The following ATG4B variants were observed in gnomAD, a reference collection of about 807,000 sequenced individuals.
The protein encoded by ATG4B is autophagy related 4B cysteine peptidase.
In ATG4B, 29 loss-of-function variants were observed where a neutral mutation model predicts 56.6. The ratio of observed to expected loss-of-function variants is 0.51; its 90% CI spans 0.38 to 0.70. ATG4B has a LOEUF of 0.70. ATG4B is among the 30% of genes least tolerant of loss of function. The pLI is 0.00. For synonymous variants in ATG4B, 224 were observed against 206.1 expected, an observed-to-expected ratio of 1.09 and a Z score of -0.74; for missense variants, 461 against 515.5, an observed-to-expected ratio of 0.89 and a Z score of 1.02.
At chr2:241,638,422 C>G (rs1012860009) in intron 1 of ATG4B, 1 of 152,192 alleles carries the variant, frequency 6.6e-6, no homozygotes, top group African/African-American at 2.4e-5. Flanking sequence ...TCCTTTCATG[C>G]TTCCGCTCCA....
rs369680448 is a variant in ATG4B, at chr2:241,668,658, C to T, written c.930C>T (p.Ile310=). 20 of 1,578,402 alleles carry T rather than the reference C, an allele frequency of 1.3e-5. No homozygotes were observed. The East Asian group carries it at 1.9e-4, about 15-fold the overall frequency. ...AGCACCCGCCGTGCCGCATGAGCAT[C>T]GCGGAGCTTGACCCGTCCATCGCTG... ...HCQHPPCRMS[I]AELDPSIAVG... is the part of the protein sequence containing the mutation. The change falls in exon 10 of 13, where the codon ATC becomes ATT. Residue 310 remains isoleucine, a synonymous_variant. Transcript: ENST00000404914. This position sits in a 1 kb window ranked among gnomAD's most constrained non-coding sequence, Gnocchi z 4.2.
At chr2:241,671,167 C>A (rs139664131) in intron 11 of ATG4B, 145 bp from the exon 12 acceptor site, 24 of 733,180 alleles carry the variant, frequency 3.3e-5, no homozygotes, top group Middle Eastern at 7.6e-4. Context: ...TCTCGTGTAG[C>A]CTTTAGTGTG....
At chr2:241,642,522 G>A (rs760984597) in intron 1 of ATG4B, among the ~76,000 whole-genome samples, 1 of 151,736 alleles carries the variant, frequency 6.6e-6, no homozygotes, top group African/African-American at 2.4e-5. Flanking sequence ...GTTTTAGGAA[G>A]GTTTCTTCGA....
chr2:241,653,735 G>C (rs963055196), intron 4 of ATG4B, 125 bp downstream of exon 4: 1 of 774,354 alleles, frequency 1.3e-6, no homozygotes, highest in Admixed American at 3.1e-5. Context: ...GGGGTTTCTT[G>C]AGTAATGAGC....
At chr2:241,666,597 C>G (rs1213923022) in intron 7 of ATG4B, 48 bp from the exon 8 acceptor site, 2 of 1,595,670 alleles carry the variant, frequency 1.3e-6, no homozygotes, top group South Asian at 1.1e-5. Context: ...TGTGGGAGCA[C>G]TTTTGCACAG....
chr2:241,665,213 T>C (rs947269086), intron 7 of ATG4B, among the ~76,000 whole-genome samples: 2 of 152,230 alleles, frequency 1.3e-5, no homozygotes, highest in African/African-American at 4.8e-5. Flanking sequence ...CAGTGAGTCA[T>C]GGCCACAAAC....
At chr2:241,655,447 A>G in intron 6 of ATG4B, 104 bp downstream of exon 6, 1 of 1,151,182 alleles carries the variant, frequency 8.7e-7, no homozygotes, top group Non-Finnish European at 1.3e-6. Context: ...GGGGTCTCTA[A>G]TTATTTACTT....
At chr2:241,670,047 C>G (rs564780983) in intron 10 of ATG4B, among the ~76,000 whole-genome samples, 96 of 152,254 alleles carry the variant, frequency 6.3e-4, no homozygotes, top group Non-Finnish European at 1.0e-3. Context: ...GTCCCCTGTC[C>G]CCGGGGGAGA....
intron 6 of ATG4B, among the ~76,000 whole-genome samples, chr2:241,656,031 C>A (rs1042459749): frequency 6.6e-6 from 1 of 152,170 alleles, no homozygotes; most frequent in Non-Finnish European, 1.5e-5. Context: ...GACTTGTCCC[C>A]TCAGGGTCTC....
rs1428910692 is a variant in ATG4B at position 241,651,245 on chromosome 2, T to G, written c.113-19T>G. The G allele has an allele frequency of 2.3e-5, 36 of 1,586,966 alleles. No individual in the cohort carries two copies. Among genetic ancestry groups the G allele is most frequent in the Non-Finnish European group, 3.1e-5 (36 of 1,166,106 alleles). On this transcript the variant is annotated intron_variant, in intron 2 of 12. Coordinates refer to ENST00000404914, the MANE Select transcript of ATG4B (RefSeq NM_013325.5). The surrounding 1 kb of genome is among the most constrained non-coding windows in gnomAD (Gnocchi z 4.1). Reference sequence around the variant, plus strand: ...AGGCGTTGTGTGTGTGTGTTTTTTTTCTTTTAAACAACCTCTAGAAAAGGA... The same window carrying G: ...AGGCGTTGTGTGTGTGTGTTTTTTTGCTTTTAAACAACCTCTAGAAAAGGA...
At chr2:241,669,044 C>T (rs1575091664) in intron 10 of ATG4B, among the ~76,000 whole-genome samples, 2 of 102,688 alleles carry the variant, frequency 1.9e-5, no homozygotes, top group South Asian at 3.4e-4. Context: ...CCACCCACCC[C>T]TGCACCACCT....
chr2:241,658,096 C>T (rs956421689), intron 6 of ATG4B, among the ~76,000 whole-genome samples: 1 of 152,228 alleles, frequency 6.6e-6, no homozygotes, highest in Non-Finnish European at 1.5e-5. Context: ...GCAGTGTTGA[C>T]CACCGGCCCA....
chr2:241,659,027 T>G, intron 6 of ATG4B, 81 bp from the exon 7 acceptor site: 1 of 1,118,422 alleles, frequency 8.9e-7, no homozygotes, highest in Non-Finnish European at 1.3e-6. Flanking sequence ...ACGCGAACCC[T>G]CCTTCGCGCA....
At chr2:241,665,132 A>T (rs377443623) in intron 7 of ATG4B, among the ~76,000 whole-genome samples, 7 of 152,228 alleles carry the variant, frequency 4.6e-5, no homozygotes, top group African/African-American at 1.4e-4. Context: ...AAAGAAATTT[A>T]AAAAGTTCTG....
chr2:241,640,059 T>C (rs1419789538), intron 1 of ATG4B, among the ~76,000 whole-genome samples: 1 of 152,180 alleles, frequency 6.6e-6, no homozygotes, highest in African/African-American at 2.4e-5. Flanking sequence ...TGGAGTATCA[T>C]ATGAGAGACT....
At chr2:241,661,056 G>C (rs1304529307) in intron 7 of ATG4B, among the ~76,000 whole-genome samples, 2 of 152,206 alleles carry the variant, frequency 1.3e-5, no homozygotes, top group African/African-American at 4.8e-5. Context: ...GGAGTCTCAG[G>C]GCTGCCCAAA....
chr2:241,668,518 C>A lies in ATG4B; in HGVS notation c.812-22C>A. 2 of 1,603,254 alleles carry A rather than the reference C, an allele frequency of 1.2e-6. No homozygotes were observed. Among genetic ancestry groups the A allele is most frequent in the Non-Finnish European group, 1.7e-6 (2 of 1,178,048 alleles). Reference sequence around the variant, plus strand: ...CTCTGCCGGCTCGGCCACCCACCTGCCCACCTGCCTCATCCTCCCAGGTGA... The same window carrying A: ...CTCTGCCGGCTCGGCCACCCACCTGACCACCTGCCTCATCCTCCCAGGTGA... On this transcript the variant is annotated intron_variant, in intron 9 of 12. Coordinates refer to ENST00000404914, the MANE Select transcript of ATG4B (RefSeq NM_013325.5). The surrounding 1 kb of genome is among the most constrained non-coding windows in gnomAD (Gnocchi z 4.2).
intron 10 of ATG4B, among the ~76,000 whole-genome samples, chr2:241,669,926 C>T (rs376527653): frequency 9.7e-4 from 148 of 152,298 alleles, no homozygotes; most frequent in African/African-American, 3.3e-3. Context: ...ACAGTCAGGT[C>T]AGGCTAGAGA....
chr2:241,671,971 G>A (rs2068991098), intron 12 of ATG4B: 8 of 1,403,436 alleles, frequency 5.7e-6, no homozygotes, highest in Middle Eastern at 2.6e-4. Flanking sequence ...TGTGCCGGCC[G>A]CCCCCTGCCC....
Sources: gnomAD v4.1 joint callset for allele counts (sites outside exome capture counted in the v4.1 genomes callset) on GRCh38, gnomAD v4.1.1 for gene constraint, Gnocchi (gnomAD v3.1) non-coding constraint, MANE v1.5 for transcripts, NCBI Gene and HGNC (gene_info 2026-07-23, HGNC 2026-07-21) for gene names.